The following C3orf20 variants were observed in gnomAD, a reference collection of about 807,000 sequenced individuals.
C3orf20 encodes family with sequence similarity 149 member C.
A neutral mutation model predicts 88.3 loss-of-function variants in C3orf20; 76 were observed. That is an observed-to-expected ratio of 0.86 (90% CI 0.72 to 1.04). The LOEUF is 1.04. Among genes scored for constraint, C3orf20 ranks in the 50% least tolerant of loss-of-function variants. The pLI is 0.00. For missense variants in C3orf20, 1,056 were observed against 1,123.3 expected (o/e 0.94, Z 0.86); for synonymous variants, 436 against 437.4 (o/e 1.00, Z 0.04).
intron 15 of C3orf20, among the ~76,000 whole-genome samples, chr3:14,769,773 G>C (rs552369419): frequency 6.6e-6 from 1 of 152,278 alleles, no homozygotes; most frequent in East Asian, 1.9e-4. Context: ...CTGGATGGAA[G>C]AGGGTGAGGC....
At chr3:14,731,906 C>T (rs931631112) in intron 12 of C3orf20, among the ~76,000 whole-genome samples, 4 of 152,186 alleles carry the variant, frequency 2.6e-5, no homozygotes, top group African/African-American at 9.6e-5. Context: ...CACTGAAAGA[C>T]ATTTGGATTG....
intron 5 of C3orf20, among the ~76,000 whole-genome samples, chr3:14,702,765 C>T (rs2033327381): frequency 6.6e-6 from 1 of 152,104 alleles, no homozygotes; most frequent in Non-Finnish European, 1.5e-5. Flanking sequence ...CAAAAGCAAT[C>T]ATGCGTTCCC....
At chr3:14,744,858 G>A (rs1206916356) in intron 12 of C3orf20, among the ~76,000 whole-genome samples, 1 of 152,178 alleles carries the variant, frequency 6.6e-6, no homozygotes, top group South Asian at 2.1e-4. Flanking sequence ...CCCACAACAT[G>A]TGGGAATTCT....
Position 14,704,674 on chromosome 3 carries a change from C to G in C3orf20, c.1160+56C>G. 5 of 1,584,894 alleles carry G rather than the reference C, an allele frequency of 3.2e-6. No individual in the cohort carries two copies. In the South Asian group the frequency reaches 4.5e-5, roughly 14 times the overall value. On this transcript the variant is annotated intron_variant, in intron 7 of 16. Transcript: ENST00000253697. ...CCCAGCTACTCAACCCCAGAGAAGTCCAGGACTTGATACAGCCTAAATGTT... is the reference window on the plus strand; with the variant it reads ...CCCAGCTACTCAACCCCAGAGAAGTGCAGGACTTGATACAGCCTAAATGTT...
rs1205752117 is a variant in C3orf20 at position 14,772,383 on chromosome 3, C to T, written c.2630+182C>T. 1.3e-5 allele frequency among the ~76,000 whole-genome samples: 2 copies of T among 152,168 alleles called. No homozygotes were observed. The highest frequency in any genetic ancestry group is 2.1e-4 in the South Asian group (1 of 4,832). ...GCATGCAGGCTGCCCTGGAGCTGCT[C>T]GCAGTGGTCTGGGTGGTAGAGATGG... On this transcript the variant is annotated intron_variant, in intron 16 of 16. Coordinates refer to ENST00000253697, the MANE Select transcript of C3orf20 (RefSeq NM_032137.5). This position sits in a 1 kb window ranked among gnomAD's most constrained non-coding sequence, Gnocchi z 4.2.
At chr3:14,735,472 C>T (rs537579608) in intron 12 of C3orf20, among the ~76,000 whole-genome samples, 4 of 152,086 alleles carry the variant, frequency 2.6e-5, no homozygotes, top group Non-Finnish European at 5.9e-5. Context: ...GCATTTTTAC[C>T]ACTTTGCAGA....
rs550267145 is a variant in C3orf20 at position 14,753,713 on chromosome 3, T to G, written c.1941-3658T>G. Among the ~76,000 whole-genome samples the G allele has an allele frequency of 3.9e-5, 6 of 152,320 alleles. No homozygotes were observed. In the South Asian group the frequency reaches 1.2e-3, roughly 32 times the overall value. ...ATCAAATTTCACCTTTTCCTTAAGA[T>G]TTGTTGTTGCTGCTTGTTGTAGTTT... On this transcript the variant is annotated intron_variant, in intron 12 of 16. Transcript: ENST00000253697.
At position 14,683,087 on chromosome 3, in the gene C3orf20, G is replaced by A. The variant is rs145497672; in HGVS notation, c.374G>A (p.Arg125His). The change falls in exon 3 of 17, where the codon CGT (arginine) becomes CAT (histidine). Residue 125 changes from arginine to histidine, a missense_variant. Transcript: ENST00000253697. ...TCCACCCTCTCTCCCACCATGGCCC[G>A]TCAGGTGCGCACCCACCAGGAGACC... is the stretch of plus-strand genomic sequence containing the variant. The part of the protein sequence containing the change: ...KRSTLSPTMA[R>H]QVRTHQETLN... 41 of 1,613,276 alleles carry A rather than the reference G, an allele frequency of 2.5e-5. No individual in the cohort carries two copies. The African/African-American group carries it at 2.7e-4, about 10-fold the overall frequency.
rs1207889885 is a variant in C3orf20, at chr3:14,701,991, C to T, written c.746-1139C>T. Among the ~76,000 whole-genome samples, 3 of 152,176 alleles carry T rather than the reference C, an allele frequency of 2.0e-5. No individual in the cohort carries two copies. The highest frequency in any genetic ancestry group is 7.2e-5 in the African/African-American group (3 of 41,438). The stretch of plus-strand genomic sequence containing the variant: ...ATTTAAAGGATGCTGCTCTCCTGCT[C>T]TTCTTGGCCCCGTGTCCCCTGGTAA... On this transcript the variant is annotated intron_variant, in intron 5 of 16. Transcript: ENST00000253697. The surrounding 1 kb of genome is among the most constrained non-coding windows in gnomAD (Gnocchi z 4.6).
chr3:14,679,639 A>G (rs1175905091), intron 1 of C3orf20, among the ~76,000 whole-genome samples: 1 of 152,046 alleles, frequency 6.6e-6, no homozygotes, highest in African/African-American at 2.4e-5. Flanking sequence ...TAGAGAGGTC[A>G]GCTGGTACAA....
chr3:14,686,211 T>TGTGTGTGTGA (rs1286041449), intron 4 of C3orf20, among the ~76,000 whole-genome samples: 1 of 152,098 alleles, frequency 6.6e-6, no homozygotes, highest in African/African-American at 2.4e-5. Flanking sequence ...TGTGTGTGTG[T>TGTGTGTGTGA]GACATTTTCT....
At chr3:14,717,807 A>C (rs896665165) in intron 9 of C3orf20, among the ~76,000 whole-genome samples, 8 of 152,100 alleles carry the variant, frequency 5.3e-5, no homozygotes, top group African/African-American at 1.9e-4. Flanking sequence ...TTAAAAAAAA[A>C]TCTCTTTATT....
At position 14,695,481 on chromosome 3, in the gene C3orf20, A is replaced by T. The variant is rs6785765; in HGVS notation, c.745+5365A>T. 4.9e-3 allele frequency among the ~76,000 whole-genome samples: 743 copies of T among 152,270 alleles called. 7 individuals carry two copies. The highest frequency in any genetic ancestry group is 0.017 in the African/African-American group (695 of 41,554). On this transcript the variant is annotated intron_variant, in intron 5 of 16. Coordinates refer to ENST00000253697, the MANE Select transcript of C3orf20 (RefSeq NM_032137.5). ...GTGTATTTTGCAGCCATTGCATGAA[A>T]TGTTCTGTAAATATCTATTAGGCCC...
rs2035788731 is a variant in C3orf20 at position 14,768,804 on chromosome 3, T to A, written c.2496-3263T>A. On this transcript the variant is annotated intron_variant, in intron 15 of 16. Coordinates refer to ENST00000253697, the MANE Select transcript of C3orf20 (RefSeq NM_032137.5). The surrounding 1 kb of genome is among the most constrained non-coding windows in gnomAD (Gnocchi z 4.1). ...TCTTGTGGATGCTTTTCCTTTTCAC[T>A]GTGGTGAGTACAAAGGCTTTGAAAT... Among the ~76,000 whole-genome samples, 1 of 152,042 alleles carries A rather than the reference T, an allele frequency of 6.6e-6. No individual in the cohort carries two copies. The highest frequency in any genetic ancestry group is 1.5e-5 in the Non-Finnish European group (1 of 68,024).
At chr3:14,751,011 A>G (rs2035204829) in intron 12 of C3orf20, among the ~76,000 whole-genome samples, 1 of 152,060 alleles carries the variant, frequency 6.6e-6, no homozygotes, top group African/African-American at 2.4e-5. Flanking sequence ...TCTACTCCTC[A>G]AACTAAATAA....
intron 15 of C3orf20, among the ~76,000 whole-genome samples, chr3:14,766,215 C>T (rs1021441893): frequency 6.6e-6 from 1 of 152,210 alleles, no homozygotes; most frequent in South Asian, 2.1e-4. Flanking sequence ...AGATAGTGAT[C>T]CCCTCCCCAG....
At chr3:14,719,024 A>G (rs1422664593) in intron 9 of C3orf20, among the ~76,000 whole-genome samples, 1 of 152,198 alleles carries the variant, frequency 6.6e-6, no homozygotes, top group Non-Finnish European at 1.5e-5. Context: ...CCTTCAGGCT[A>G]AAGCCGTAAA....
chr3:14,714,354 G>C (rs1249135291), intron 8 of C3orf20, among the ~76,000 whole-genome samples, 195 bp downstream of exon 8: 1 of 152,076 alleles, frequency 6.6e-6, no homozygotes, highest in Non-Finnish European at 1.5e-5. Context: ...CTTCCTTGCT[G>C]TATCTATGTC....
In C3orf20 at chr3:14,703,112, C is replaced by T; in HGVS notation, c.746-18C>T. 1 of 1,613,988 alleles carries T rather than the reference C, an allele frequency of 6.2e-7. No individual in the cohort carries two copies. The highest frequency in any genetic ancestry group is 8.5e-7 in the Non-Finnish European group (1 of 1,179,932). ...ATGGTCTTGGGCATCTCTCTAACTT[C>T]TTGCCCTCCAACTACAGGCAAATCT... On this transcript the variant is annotated intron_variant, in intron 5 of 16. Coordinates refer to ENST00000253697, the MANE Select transcript of C3orf20 (RefSeq NM_032137.5).
Sources: allele counts gnomAD v4.1 joint callset (sites outside exome capture counted in the v4.1 genomes callset), GRCh38; gene constraint gnomAD v4.1.1; non-coding constraint Gnocchi (gnomAD v3.1); transcripts MANE v1.5; gene names NCBI Gene and HGNC (gene_info 2026-07-23, HGNC 2026-07-21).